Variants in DYM observed in about 807,000 individuals in gnomAD.
DYM encodes the protein dyggve-Melchior-Clausen syndrome protein.
Under a neutral mutation model 93.1 loss-of-function variants are expected in DYM, and 78 were observed. The ratio of observed to expected loss-of-function variants is 0.84; its 90% CI spans 0.70 to 1.01. The LOEUF (loss-of-function observed/expected upper bound fraction) is 1.01. Ranked by LOEUF, DYM falls within the 50% of genes least tolerant of loss-of-function variation. DYM has a pLI of 0.00. For missense variants in DYM, 789 were observed against 845.0 expected (o/e 0.93, Z 0.82); for synonymous variants, 321 against 319.7 (o/e 1.00, Z -0.04).
intron 14 of DYM, among the ~76,000 whole-genome samples, chr18:49,178,685 GAAAAT>G (rs1397047729): frequency 6.6e-6 from 1 of 151,992 alleles, no homozygotes; most frequent in Non-Finnish European, 1.5e-5. Context: ...TAACAATAGA[GAAAAT>G]AAACGATAGT....
At chr18:49,436,746 A>G (rs2080893349) in intron 1 of DYM, among the ~76,000 whole-genome samples, 1 of 152,096 alleles carries the variant, frequency 6.6e-6, no homozygotes, top group Non-Finnish European at 1.5e-5. Context: ...AGCAATTTAA[A>G]TATGGGTCCT....
intron 14 of DYM, among the ~76,000 whole-genome samples, chr18:49,200,666 A>G (rs1457303988): frequency 1.3e-5 from 2 of 152,076 alleles, no homozygotes; most frequent in African/African-American, 4.8e-5. Flanking sequence ...ATATATTAAC[A>G]TTTTAATGAC....
intron 16 of DYM, among the ~76,000 whole-genome samples, chr18:49,113,908 G>A (rs1415285561): frequency 1.3e-5 from 2 of 152,146 alleles, no homozygotes; most frequent in Non-Finnish European, 2.9e-5. Context: ...TGCTCATTTG[G>A]AATCTTAATT....
At chr18:49,083,154 T>C (rs769753732) in intron 17 of DYM, among the ~76,000 whole-genome samples, 5 of 152,182 alleles carry the variant, frequency 3.3e-5, no homozygotes, top group Non-Finnish European at 7.3e-5. Context: ...AGACAATACA[T>C]AAATAAGTGG....
rs2069231087 is a variant in DYM, at chr18:49,391,331, A to G, written c.193+262T>C. 3 of 409,932 alleles carry G rather than the reference A, an allele frequency of 7.3e-6. No homozygotes were observed. The South Asian group carries it at 8.0e-5, about 11-fold the overall frequency. The allele number at this position is 409,932 out of a possible 1,614,324, so 25.4% of individuals were successfully genotyped here. A position where few individuals can be genotyped will look rare whatever the true frequency, so the allele number is the denominator to read the frequency against. On this transcript the variant is annotated intron_variant, in intron 3 of 17. Transcript: ENST00000675505. ...ATCACATTATTTTCAGTATTTCAAA[A>G]TTCACAAAAAGAACAAGACGAAAGA...
At chr18:49,091,073 T>C (rs913025677) in intron 17 of DYM, among the ~76,000 whole-genome samples, 2 of 152,216 alleles carry the variant, frequency 1.3e-5, no homozygotes, top group Non-Finnish European at 2.9e-5. Context: ...TATGGAGAGC[T>C]GTTCTTCAAA....
At chr18:49,279,970 G>A (rs1390667311) in intron 10 of DYM, among the ~76,000 whole-genome samples, 1 of 152,136 alleles carries the variant, frequency 6.6e-6, no homozygotes, top group Non-Finnish European at 1.5e-5. Context: ...TGAAAAAATG[G>A]TAACCAAATA....
rs796543158 is a variant in DYM, at chr18:49,153,395, TAC to T, written c.1728+10288_1728+10289del. 2.9e-4 allele frequency among the ~76,000 whole-genome samples: 44 copies of T among 152,320 alleles called. 1 individual carries two copies. The highest frequency in any genetic ancestry group is 1.0e-3 in the African/African-American group (42 of 41,584). ...TTATTCACAGGGTTTGGCTCTGTTT[TAC>T]ACAGTTTCTTCAATATGAAAGTAAA... On this transcript the variant is annotated intron_variant, in intron 15 of 17. Coordinates refer to ENST00000675505, the MANE Select transcript of DYM (RefSeq NM_001353214.3).
At position 49,097,420 on chromosome 18, in the gene DYM, C is replaced by A; in HGVS notation, c.2007G>T (p.Leu669=). The change falls in exon 17 of 18, where the codon CTG becomes CTT. Residue 669 remains leucine, a synonymous_variant. Coordinates refer to ENST00000675505, the MANE Select transcript of DYM (RefSeq NM_001353214.3). ...TTCTTACCTTCAGTCTGTCTTTGGG[C>A]AGCGCAACGACGCCTTGCTTAATGA... ...LEIIKQGVVA[L]PKDRLKKFPE... 1 of 1,613,960 alleles carries A rather than the reference C, an allele frequency of 6.2e-7. No homozygotes were observed.
intron 15 of DYM, among the ~76,000 whole-genome samples, chr18:49,129,671 G>A (rs1217625130): frequency 6.6e-6 from 1 of 152,230 alleles, no homozygotes; most frequent in Non-Finnish European, 1.5e-5. Flanking sequence ...AGGTGCTCAT[G>A]AGAAAGGCTG....
chr18:49,441,820 T>C (rs2081656565), intron 1 of DYM, among the ~76,000 whole-genome samples: 1 of 151,902 alleles, frequency 6.6e-6, no homozygotes, highest in South Asian at 2.1e-4. Context: ...CGGGGCAAGG[T>C]GCAGGACTAA....
chr18:49,422,756 G>A (rs1374743019), intron 2 of DYM, among the ~76,000 whole-genome samples: 1 of 152,168 alleles, frequency 6.6e-6, no homozygotes, highest in East Asian at 1.9e-4. Flanking sequence ...CCTAGTCTCT[G>A]ATAAAACAGA....
chr18:49,128,424 G>A (rs1186890702), intron 15 of DYM, among the ~76,000 whole-genome samples: 5 of 152,062 alleles, frequency 3.3e-5, no homozygotes, highest in African/African-American at 1.2e-4. Context: ...CACAGCCTAC[G>A]AAAAGTAAAA....
At chr18:49,335,937 T>C (rs939700116) in intron 6 of DYM, among the ~76,000 whole-genome samples, 2 of 151,966 alleles carry the variant, frequency 1.3e-5, no homozygotes, top group African/African-American at 4.8e-5. Context: ...CCTTAGCCTC[T>C]CAAGTAGCTG....
chr18:49,046,256 CCCA>C lies in DYM; in HGVS notation c.2026-2055_2026-2053del, dbSNP rs1340862494. 1.9e-4 allele frequency among the ~76,000 whole-genome samples: 22 copies of C among 113,292 alleles called. No individual in the cohort carries two copies. The Admixed American group carries it at 2.0e-3, about 10-fold the overall frequency. 74.3% of individuals were successfully genotyped at this position (113,292 alleles called of 152,430 possible). ...CACAAACACAACACAAACATCCATA[CCCA>C]CAACATATACACAGACACAGACAAC... On this transcript the variant is annotated intron_variant, in intron 17 of 17. Coordinates refer to ENST00000675505, the MANE Select transcript of DYM (RefSeq NM_001353214.3).
intron 13 of DYM, among the ~76,000 whole-genome samples, chr18:49,222,240 G>A (rs1346367804): frequency 6.6e-6 from 1 of 151,980 alleles, no homozygotes; most frequent in Non-Finnish European, 1.5e-5. Context: ...CAGAATTTCT[G>A]TTAAATAATC....
chr18:49,148,837 A>G (rs1254333556), intron 15 of DYM, among the ~76,000 whole-genome samples: 1 of 152,206 alleles, frequency 6.6e-6, no homozygotes, highest in Non-Finnish European at 1.5e-5. Context: ...CTATTTTATT[A>G]GAGTAGCACC....
At chr18:49,220,942 A>G (rs1255885459) in intron 13 of DYM, among the ~76,000 whole-genome samples, 2 of 152,258 alleles carry the variant, frequency 1.3e-5, no homozygotes, top group Non-Finnish European at 2.9e-5. Context: ...GCACAGCAAA[A>G]GAAACTACCA....
intron 17 of DYM, among the ~76,000 whole-genome samples, chr18:49,095,090 G>T (rs1272420802): frequency 6.6e-6 from 1 of 151,998 alleles, no homozygotes; most frequent in African/African-American, 2.4e-5. Flanking sequence ...TTACACACCC[G>T]ACAATTATTT....
Sources: allele counts gnomAD v4.1 joint callset (sites outside exome capture counted in the v4.1 genomes callset), GRCh38; gene constraint gnomAD v4.1.1; transcripts MANE v1.5; gene names NCBI Gene and HGNC (gene_info 2026-07-23, HGNC 2026-07-21).